PDE7B: variants seen among roughly 807,000 people sequenced by gnomAD.
The protein encoded by PDE7B is phosphodiesterase 7B, also known as 3',5'-cyclic-AMP phosphodiesterase 7B.
PDE7B carries 29 observed loss-of-function variants against 56.2 expected under a neutral mutation model. The ratio of observed to expected loss-of-function variants is 0.52; its 90% CI spans 0.38 to 0.70. The LOEUF (loss-of-function observed/expected upper bound fraction) is 0.70, where lower values mean the gene tolerates loss of function less well. Ranked by LOEUF, PDE7B falls within the 30% of genes least tolerant of loss-of-function variation. PDE7B has a pLI of 0.00. For synonymous variants in PDE7B, 197 were observed against 196.9 expected (o/e 1.00, Z 0.00); for missense variants, 490 against 565.0 (o/e 0.87, Z 1.35).
At chr6:136,019,181 G>T (rs1776028693) in intron 2 of PDE7B, among the ~76,000 whole-genome samples, 1 of 151,998 alleles carries the variant, frequency 6.6e-6, no homozygotes. Context: ...GATTCTTTGG[G>T]AATAAATTGT....
In PDE7B at chr6:136,100,798, T is replaced by C. The variant is rs567457470; in HGVS notation, c.83-7933T>C. On this transcript the variant is annotated intron_variant, in intron 2 of 12. Transcript: ENST00000308191. ...TGATTGCCCTGGCCAGAACTTCCAA[T>C]ACTATATTGAATAGGAGTGGTGAGA... is the stretch of plus-strand genomic sequence containing the variant. 3.9e-5 allele frequency among the ~76,000 whole-genome samples: 6 copies of C among 152,302 alleles called. No homozygotes were observed. In the East Asian group the frequency reaches 9.7e-4, roughly 25 times the overall value.
chr6:136,188,036 T>G (rs144228676), intron 12 of PDE7B, among the ~76,000 whole-genome samples: 2 of 152,316 alleles, frequency 1.3e-5, no homozygotes, highest in African/African-American at 4.8e-5. Flanking sequence ...GGCTCAAAGT[T>G]TAATGCTTTG....
chr6:136,153,786 C>T (rs374078820), intron 6 of PDE7B, among the ~76,000 whole-genome samples: 88 of 152,192 alleles, frequency 5.8e-4, no homozygotes, highest in African/African-American at 2.1e-3. Context: ...CTATGAATGA[C>T]AGCCTTTATG....
intron 2 of PDE7B, among the ~76,000 whole-genome samples, chr6:136,024,720 T>C (rs139480585): frequency 6.6e-6 from 1 of 152,302 alleles, no homozygotes; most frequent in East Asian, 1.9e-4. Flanking sequence ...CTCAGTCTAA[T>C]ATTATGCAAC....
intron 2 of PDE7B, among the ~76,000 whole-genome samples, chr6:136,053,746 C>G (rs1458138185): frequency 1.3e-5 from 2 of 152,044 alleles, no homozygotes; most frequent in African/African-American, 2.4e-5. Context: ...TTAATGATTG[C>G]CATTCTAACT....
intron 2 of PDE7B, among the ~76,000 whole-genome samples, chr6:135,974,961 G>T (rs1042208606): frequency 6.6e-6 from 1 of 151,974 alleles, no homozygotes; most frequent in Non-Finnish European, 1.5e-5. Flanking sequence ...ATGCCTCCAG[G>T]AGCCAAAAGG....
At chr6:136,100,252 T>C (rs1182873703) in intron 2 of PDE7B, among the ~76,000 whole-genome samples, 1 of 152,220 alleles carries the variant, frequency 6.6e-6, no homozygotes, top group Admixed American at 6.5e-5. Context: ...GTCTTGGCTA[T>C]GCAGGCTCCT....
chr6:136,164,917 G>C (rs1463239050), intron 8 of PDE7B, among the ~76,000 whole-genome samples: 1 of 152,044 alleles, frequency 6.6e-6, no homozygotes, highest in Non-Finnish European at 1.5e-5. Context: ...GGTTCCCTTA[G>C]ACACATTTAA....
chr6:135,869,531 G>C (rs1205030509), intron 1 of PDE7B, among the ~76,000 whole-genome samples: 1 of 152,132 alleles, frequency 6.6e-6, no homozygotes, highest in East Asian at 1.9e-4. Context: ...TCTAGGGACT[G>C]GAAATAAGTA....
At chr6:136,172,396 G>A (rs9494460) in intron 8 of PDE7B, among the ~76,000 whole-genome samples, 11,435 of 152,202 alleles carry the variant, frequency 0.075, 1,334 homozygotes, top group African/African-American at 0.25. Context: ...CAGTGATGGT[G>A]AGCATTTATT....
At position 135,890,361 on chromosome 6, in the gene PDE7B, T is replaced by C. The variant is rs76836739; in HGVS notation, c.21+38342T>C. 4.9e-4 allele frequency among the ~76,000 whole-genome samples: 75 copies of C among 152,326 alleles called. 1 individual carries two copies. The East Asian group carries it at 0.014, about 29-fold the overall frequency. ...ATTTCCTATGGTACTTAGAGCCACA[T>C]GCAGATTGTTTGTGCGTTCAAACTG... On this transcript the variant is annotated intron_variant, in intron 1 of 12. Coordinates refer to ENST00000308191, the MANE Select transcript of PDE7B (RefSeq NM_018945.4).
chr6:135,938,797 C>T (rs1300476091), intron 1 of PDE7B, among the ~76,000 whole-genome samples: 2 of 152,138 alleles, frequency 1.3e-5, no homozygotes, highest in Non-Finnish European at 2.9e-5. Flanking sequence ...AGCCATATAG[C>T]CTTTCTATTG....
intron 2 of PDE7B, among the ~76,000 whole-genome samples, chr6:135,950,622 G>A (rs981325821): frequency 5.9e-5 from 9 of 151,998 alleles, no homozygotes; most frequent in African/African-American, 2.2e-4. Context: ...CACTCCCCTG[G>A]AAACCTCCCT....
At position 136,100,923 on chromosome 6, in the gene PDE7B, T is replaced by G. The variant is rs138986239; in HGVS notation, c.83-7808T>G. Among the ~76,000 whole-genome samples the G allele has an allele frequency of 1.5e-3, 236 of 152,316 alleles. 1 individual carries two copies. Among genetic ancestry groups the G allele is most frequent in the African/African-American group, 5.4e-3 (226 of 41,556 alleles). On this transcript the variant is annotated intron_variant, in intron 2 of 12. Transcript: ENST00000308191. ...AGGGATTGTCATAAACAGCTCTTAT[T>G]ATTTTGAGATGTGTTCCATCAATAC...
At chr6:136,129,155 T>C (rs569928409) in intron 3 of PDE7B, among the ~76,000 whole-genome samples, 1 of 152,332 alleles carries the variant, frequency 6.6e-6, no homozygotes, top group Admixed American at 6.5e-5. Context: ...AAAAGACTGA[T>C]AAGTGGAAGA....
At chr6:136,189,002 G>A (rs1050584608) in intron 12 of PDE7B, among the ~76,000 whole-genome samples, 1 of 152,156 alleles carries the variant, frequency 6.6e-6, no homozygotes, top group East Asian at 1.9e-4. Context: ...GAACTTGGTG[G>A]ATGCTACAGG....
intron 8 of PDE7B, chr6:136,162,464 C>G (rs1778722329): frequency 6.6e-6 from 1 of 152,150 alleles, no homozygotes; most frequent in African/African-American, 2.4e-5. Context: ...TCCCATCAGG[C>G]CCCTCCCATC....
chr6:136,191,778 C>T lies in PDE7B; in HGVS notation c.1291C>T (p.Pro431Ser). The T allele has an allele frequency of 1.9e-6, 3 of 1,579,534 alleles. No homozygotes were observed. The South Asian group carries it at 3.4e-5, about 18-fold the overall frequency. The change falls in exon 13 of 13, where the codon CCT becomes TCT. Residue 431 changes from proline to serine, a missense_variant. Pro to Ser is a moderately conservative substitution (Grantham distance 74, BLOSUM62 -1). Coordinates refer to ENST00000308191, the MANE Select transcript of PDE7B (RefSeq NM_018945.4). ...AAGCAGGGGCAGCAGTGGCAGCGGG[C>T]CTGACCACGACCACGCAGGCCAAGG... ...HRSRGSSGSG[P>S]DHDHAGQGTE...
intron 8 of PDE7B, among the ~76,000 whole-genome samples, chr6:136,156,876 A>C (rs141432422): frequency 3.6e-4 from 55 of 152,334 alleles, no homozygotes; most frequent in African/African-American, 1.2e-3. Context: ...ACTATTAACT[A>C]TACTAAGGAA....
Sources: gnomAD v4.1 joint callset for allele counts (sites outside exome capture counted in the v4.1 genomes callset) on GRCh38, gnomAD v4.1.1 for gene constraint, MANE v1.5 for transcripts, NCBI Gene and HGNC (gene_info 2026-07-23, HGNC 2026-07-21) for gene names.